PEAK1: variants seen among roughly 807,000 people sequenced by gnomAD.
PEAK1 encodes the protein pseudopodium enriched atypical kinase 1.
PEAK1 carries 54 observed loss-of-function variants against 124.7 expected under a neutral mutation model. The observed-to-expected ratio is 0.43, with a 90% CI of 0.35 to 0.54. The LOEUF (loss-of-function observed/expected upper bound fraction) is 0.54, where lower values mean the gene tolerates loss of function less well. Ranked by LOEUF, PEAK1 falls within the 20% of genes least tolerant of loss-of-function variation. PEAK1 has a pLI of 0.01. For synonymous variants in PEAK1, 719 were observed against 760.0 expected (o/e 0.95, Z 0.89); for missense variants, 2,046 against 2,134.5 (o/e 0.96, Z 0.82).
chr15:77,367,756 T>A (rs1382902204), intron 1 of PEAK1, among the ~76,000 whole-genome samples: 1 of 152,238 alleles, frequency 6.6e-6, no homozygotes, highest in East Asian at 1.9e-4. Flanking sequence ...TTGGTGGTAT[T>A]TTATTGAGAA....
At chr15:77,290,913 C>T (rs1046478951) in intron 2 of PEAK1, among the ~76,000 whole-genome samples, 1 of 152,134 alleles carries the variant, frequency 6.6e-6, no homozygotes, top group African/African-American at 2.4e-5. Context: ...TCAGCCACCC[C>T]AAACTGAAGA....
intron 2 of PEAK1, among the ~76,000 whole-genome samples, chr15:77,330,643 AC>A (rs919374179): frequency 6.6e-6 from 1 of 152,092 alleles, no homozygotes; most frequent in Non-Finnish European, 1.5e-5. Flanking sequence ...GAATACTCTT[AC>A]CCCAGATGTA....
chr15:77,116,721 T>A (rs1229896872), intron 9 of PEAK1, among the ~76,000 whole-genome samples: 1 of 151,292 alleles, frequency 6.6e-6, no homozygotes, highest in African/African-American at 2.4e-5. Flanking sequence ...TCTATCTATC[T>A]ATCTATCTAT....
chr15:77,280,034 C>G (rs1029030326), intron 5 of PEAK1, among the ~76,000 whole-genome samples: 1 of 152,128 alleles, frequency 6.6e-6, no homozygotes, highest in Non-Finnish European at 1.5e-5. Context: ...TTAAAGCTCA[C>G]AGAACTTATG....
At chr15:77,145,206 C>T (rs1351073479) in intron 8 of PEAK1, among the ~76,000 whole-genome samples, 4 of 152,152 alleles carry the variant, frequency 2.6e-5, no homozygotes, top group African/African-American at 4.8e-5. Context: ...CCCAGCACTT[C>T]GGGAGGCCGA....
intron 1 of PEAK1, chr15:77,403,439 G>GTT: frequency 1.1e-6 from 1 of 925,246 alleles, no homozygotes; most frequent in Non-Finnish European, 1.3e-6. Context: ...CATATTGATT[G>GTT]TAAGGGTAAA....
At chr15:77,123,451 C>T (rs1447917897) in intron 9 of PEAK1, among the ~76,000 whole-genome samples, 3 of 152,142 alleles carry the variant, frequency 2.0e-5, no homozygotes, top group African/African-American at 7.2e-5. Flanking sequence ...CAGTTTACTG[C>T]TTCAGGCATG....
chr15:77,186,640 C>CA (rs2057563702), intron 6 of PEAK1, among the ~76,000 whole-genome samples: 2 of 151,944 alleles, frequency 1.3e-5, no homozygotes, highest in South Asian at 4.2e-4. Context: ...AAACAAAAAA[C>CA]AAAAAAACCG....
At chr15:77,322,627 GCA>G (rs1400771570) in intron 2 of PEAK1, among the ~76,000 whole-genome samples, 2 of 152,178 alleles carry the variant, frequency 1.3e-5, no homozygotes, top group East Asian at 3.9e-4. Context: ...TGAAATTGAG[GCA>G]ATAATTAATA....
intron 2 of PEAK1, among the ~76,000 whole-genome samples, chr15:77,304,698 C>T (rs369621805): frequency 3.9e-5 from 6 of 152,070 alleles, no homozygotes; most frequent in East Asian, 1.9e-4. Context: ...TCTGCTGCCT[C>T]GGCCTCCCAA....
chr15:77,371,102 T>C (rs780767707), intron 1 of PEAK1: 202 of 950,652 alleles, frequency 2.1e-4, no homozygotes, highest in Non-Finnish European at 2.4e-4. Flanking sequence ...ATTCTGTGAC[T>C]TTAAGGCTGA....
At chr15:77,417,414 G>C in intron 1 of PEAK1, 1 of 943,968 alleles carries the variant, frequency 1.1e-6, no homozygotes, top group Non-Finnish European at 1.2e-6. Context: ...AGGAGCTTTA[G>C]TAATGAAAGG....
At chr15:77,196,639 C>T (rs2058117033) in intron 6 of PEAK1, among the ~76,000 whole-genome samples, 1 of 152,022 alleles carries the variant, frequency 6.6e-6, no homozygotes, top group African/African-American at 2.4e-5. Context: ...AACTGGTATA[C>T]AGCAAGCACT....
At chr15:77,236,331 G>T (rs2060122825) in intron 6 of PEAK1, among the ~76,000 whole-genome samples, 1 of 152,228 alleles carries the variant, frequency 6.6e-6, no homozygotes, top group South Asian at 2.1e-4. Context: ...CCCACCTCTT[G>T]CATCAGCATG....
intron 8 of PEAK1, among the ~76,000 whole-genome samples, chr15:77,149,539 C>G (rs76849061): frequency 6.6e-6 from 1 of 151,956 alleles, no homozygotes; most frequent in Non-Finnish European, 1.5e-5. Flanking sequence ...ACTTGTTGAA[C>G]GTATTAAAAA....
chr15:77,298,612 A>C (rs924820032), intron 2 of PEAK1, among the ~76,000 whole-genome samples: 2 of 152,126 alleles, frequency 1.3e-5, no homozygotes, highest in African/African-American at 4.8e-5. Context: ...ATAATAAATT[A>C]AATGGTGCTT....
At chr15:77,381,694 C>A (rs1416947719) in intron 1 of PEAK1, among the ~76,000 whole-genome samples, 1 of 152,178 alleles carries the variant, frequency 6.6e-6, no homozygotes, top group African/African-American at 2.4e-5. Flanking sequence ...CTAGAAGGAG[C>A]AATTTCAGAA....
intron 6 of PEAK1, among the ~76,000 whole-genome samples, chr15:77,217,412 A>G (rs926374008): frequency 6.6e-6 from 1 of 152,142 alleles, no homozygotes; most frequent in Non-Finnish European, 1.5e-5. Context: ...GGGCAAAAGA[A>G]TGATAATATC....
At chr15:77,362,519 C>T (rs1257148270) in intron 2 of PEAK1, among the ~76,000 whole-genome samples, 2 of 152,066 alleles carry the variant, frequency 1.3e-5, no homozygotes, top group African/African-American at 4.8e-5. Flanking sequence ...TAAGTATTGG[C>T]AAGGATATGG....
Sources: allele counts gnomAD v4.1 joint callset (sites outside exome capture counted in the v4.1 genomes callset), GRCh38; gene constraint gnomAD v4.1.1; transcripts MANE v1.5; gene names NCBI Gene and HGNC (gene_info 2026-07-23, HGNC 2026-07-21).